The following RORA variants were observed in gnomAD, a reference collection of about 807,000 sequenced individuals.
The protein encoded by RORA is RAR related orphan receptor A, also known as nuclear receptor ROR-alpha.
Under a neutral mutation model 69.5 loss-of-function variants are expected in RORA, and 7 were observed. The ratio of observed to expected loss-of-function variants is 0.10; its 90% CI spans 0.06 to 0.19. The LOEUF (loss-of-function observed/expected upper bound fraction) is 0.19, where lower values mean the gene tolerates loss of function less well. Among genes scored for constraint, RORA ranks in the 10% least tolerant of loss-of-function variants. The pLI, the probability that RORA is intolerant of heterozygous loss-of-function variation, is 1.00. For missense variants in RORA, 457 were observed against 663.0 expected, an observed-to-expected ratio of 0.69 and a Z score of 3.41; for synonymous variants, 261 against 240.8, an observed-to-expected ratio of 1.08 and a Z score of -0.78.
intron 1 of RORA, among the ~76,000 whole-genome samples, chr15:60,711,521 ATCCT>A (rs1168009232): frequency 2.0e-5 from 3 of 152,104 alleles, no homozygotes; most frequent in African/African-American, 7.2e-5. Context: ...CCATTTTTGC[ATCCT>A]TCCTTCCTCG....
intron 1 of RORA, among the ~76,000 whole-genome samples, chr15:61,075,185 A>T (rs2078431120): frequency 6.6e-6 from 1 of 152,156 alleles, no homozygotes; most frequent in Admixed American, 6.5e-5. Context: ...TGGAGCTAGT[A>T]GGTATTTCTC....
intron 2 of RORA, among the ~76,000 whole-genome samples, chr15:60,557,778 A>C (rs1265164067): frequency 2.0e-5 from 3 of 152,358 alleles, no homozygotes. Context: ...ACAGCAATGA[A>C]TCTCAGCTGA....
At chr15:60,821,981 A>G (rs1452266768) in intron 1 of RORA, among the ~76,000 whole-genome samples, 3 of 151,706 alleles carry the variant, frequency 2.0e-5, no homozygotes, top group African/African-American at 7.2e-5. Flanking sequence ...GGAAATCTGA[A>G]TAAAGCAATG....
intron 1 of RORA, among the ~76,000 whole-genome samples, chr15:60,900,847 G>T (rs1391821724): frequency 6.6e-6 from 1 of 151,942 alleles, no homozygotes; most frequent in Non-Finnish European, 1.5e-5. Flanking sequence ...ACTCCAGCTT[G>T]GGTGACAGAG....
chr15:60,671,531 C>G (rs1177745575), intron 2 of RORA, among the ~76,000 whole-genome samples: 3 of 151,992 alleles, frequency 2.0e-5, no homozygotes, highest in African/African-American at 4.8e-5. Flanking sequence ...AATCCCAGCA[C>G]TTTGGGAGGC....
chr15:61,085,790 A>T (rs1215352308), intron 1 of RORA, among the ~76,000 whole-genome samples: 2 of 152,182 alleles, frequency 1.3e-5, no homozygotes, highest in African/African-American at 4.8e-5. Context: ...CCCAGCATCC[A>T]CTCACTTATA....
intron 2 of RORA, among the ~76,000 whole-genome samples, chr15:60,602,977 T>A (rs1304578619): frequency 2.0e-5 from 3 of 152,218 alleles, no homozygotes; most frequent in African/African-American, 7.2e-5. Flanking sequence ...AGATGTTTTG[T>A]GTCCCTACAG....
chr15:60,901,235 G>A (rs1033353637), intron 1 of RORA, among the ~76,000 whole-genome samples: 10 of 151,848 alleles, frequency 6.6e-5, no homozygotes, highest in African/African-American at 1.9e-4. Context: ...GCAGTGGTGC[G>A]ATCTCAGCTC....
chr15:61,189,108 T>A (rs1035691007), intron 1 of RORA, among the ~76,000 whole-genome samples: 3 of 152,154 alleles, frequency 2.0e-5, no homozygotes, highest in African/African-American at 4.8e-5. Context: ...CTTGCTGAGT[T>A]GCCAGGTAAG....
chr15:60,612,983 A>AT (rs1300842839), intron 2 of RORA, among the ~76,000 whole-genome samples: 222 of 142,850 alleles, frequency 1.6e-3, no homozygotes, highest in South Asian at 7.5e-3. Context: ...AGGAAACTGT[A>AT]TTTTTTTTTT....
chr15:61,056,614 T>C (rs1595926665), intron 1 of RORA, among the ~76,000 whole-genome samples: 1 of 152,312 alleles, frequency 6.6e-6, no homozygotes, highest in Non-Finnish European at 1.5e-5. Flanking sequence ...CAATCTGGTG[T>C]TTTTGTCATC....
intron 3 of RORA, chr15:60,529,244 T>A (rs2066456889): frequency 6.6e-6 from 1 of 152,236 alleles, no homozygotes; most frequent in African/African-American, 2.4e-5. Flanking sequence ...ATTTTTCTTA[T>A]GTTTAATTAC....
intron 1 of RORA, among the ~76,000 whole-genome samples, chr15:60,862,048 C>A (rs1247803573): frequency 2.0e-5 from 3 of 152,204 alleles, no homozygotes; most frequent in African/African-American, 7.2e-5. Flanking sequence ...ATGGCTCCTG[C>A]CCATGAATAT....
At chr15:61,172,457 G>C (rs2079593385) in intron 1 of RORA, among the ~76,000 whole-genome samples, 1 of 152,156 alleles carries the variant, frequency 6.6e-6, no homozygotes, top group Non-Finnish European at 1.5e-5. Flanking sequence ...CTGAGGAATT[G>C]ATAAGACAGG....
At chr15:60,654,807 A>C (rs972941027) in intron 2 of RORA, among the ~76,000 whole-genome samples, 3 of 152,118 alleles carry the variant, frequency 2.0e-5, no homozygotes, top group African/African-American at 7.3e-5. Flanking sequence ...CAGAGGAAGG[A>C]GCCATGAGAC....
rs1429176567 is a variant in RORA, at chr15:60,527,171, A to G, written c.282+4595T>C. ...ACCAATTCACTAACCCCAATACTGG[A>G]TCGTGCATTATCATTAAAAAACTTG... On this transcript the variant is annotated intron_variant, in intron 3 of 10. Transcript: ENST00000335670. 2.0e-5 allele frequency among the ~76,000 whole-genome samples: 3 copies of G among 152,220 alleles called. No homozygotes were observed. In the East Asian group the frequency reaches 5.8e-4, roughly 29 times the overall value.
At chr15:60,610,688 T>C (rs970555854) in intron 2 of RORA, among the ~76,000 whole-genome samples, 2 of 151,770 alleles carry the variant, frequency 1.3e-5, no homozygotes, top group Non-Finnish European at 2.9e-5. Context: ...TAGGCAGTGA[T>C]AGAAACAGCA....
chr15:60,906,220 C>T (rs1891536231), intron 1 of RORA, among the ~76,000 whole-genome samples: 2 of 152,170 alleles, frequency 1.3e-5, no homozygotes, highest in Non-Finnish European at 2.9e-5. Context: ...AAAGTAAATA[C>T]TAATCAATAG....
chr15:61,027,001 G>A (rs1012597953), intron 1 of RORA, among the ~76,000 whole-genome samples: 2 of 146,432 alleles, frequency 1.4e-5, no homozygotes, highest in African/African-American at 5.2e-5. Context: ...AAGCCTCCTG[G>A]CCTGCAAAAA....
Sources: gnomAD v4.1 joint callset for allele counts (sites outside exome capture counted in the v4.1 genomes callset) on GRCh38, gnomAD v4.1.1 for gene constraint, MANE v1.5 for transcripts, NCBI Gene and HGNC (gene_info 2026-07-23, HGNC 2026-07-21) for gene names.